ABCA13: variants seen among roughly 807,000 people sequenced by gnomAD.
The protein encoded by ABCA13 is ATP binding cassette subfamily A member 13.
A neutral mutation model predicts 478.7 loss-of-function variants in ABCA13; 476 were observed. The ratio of observed to expected loss-of-function variants is 0.99; its 90% confidence interval spans 0.92 to 1.07. The LOEUF (loss-of-function observed/expected upper bound fraction) is 1.07. Among genes scored for constraint, ABCA13 ranks in the 50% least tolerant of loss-of-function variants. ABCA13 has a pLI of 0.00. For synonymous variants in ABCA13, 2,252 were observed against 2,158.9 expected, an observed-to-expected ratio of 1.04 and a Z score of -1.20; for missense variants, 6,060 against 5,910.6, an observed-to-expected ratio of 1.03 and a Z score of -0.83.
At chr7:48,601,829 A>G (rs1218605430) in intron 58 of ABCA13, among the ~76,000 whole-genome samples, 2 of 152,010 alleles carry the variant, frequency 1.3e-5, no homozygotes, top group Non-Finnish European at 2.9e-5. Context: ...ACTAATTTAC[A>G]CTCCCACCCA....
intron 3 of ABCA13, among the ~76,000 whole-genome samples, chr7:48,210,839 A>G (rs750320104): frequency 2.0e-5 from 3 of 152,132 alleles, no homozygotes; most frequent in Non-Finnish European, 1.5e-5. Flanking sequence ...ATGTTCTGTA[A>G]ATGTTTATTA....
chr7:48,317,008 A>G, intron 26 of ABCA13, 149 bp from the exon 27 acceptor site: 1 of 915,300 alleles, frequency 1.1e-6, no homozygotes, highest in East Asian at 2.7e-5. Context: ...AGATATTCAA[A>G]CTATAGCACT....
chr7:48,545,377 AC>A (rs1389113564), intron 55 of ABCA13, among the ~76,000 whole-genome samples: 1 of 151,706 alleles, frequency 6.6e-6, no homozygotes. Flanking sequence ...CTGAGCTTAT[AC>A]CCTAGAACTG....
intron 42 of ABCA13, among the ~76,000 whole-genome samples, chr7:48,437,333 C>T (rs1822984735): frequency 6.6e-6 from 1 of 151,972 alleles, no homozygotes; most frequent in Non-Finnish European, 1.5e-5. Context: ...ATTAGAATAG[C>T]CACCCTTCTG....
At chr7:48,356,036 A>G (rs1293085482) in intron 31 of ABCA13, among the ~76,000 whole-genome samples, 2 of 151,976 alleles carry the variant, frequency 1.3e-5, no homozygotes, top group Non-Finnish European at 1.5e-5. Context: ...GGCCCCTCCC[A>G]TGAAGAGGTA....
chr7:48,376,232 A>C (rs1394951758), intron 34 of ABCA13, among the ~76,000 whole-genome samples: 1 of 152,218 alleles, frequency 6.6e-6, no homozygotes, highest in Non-Finnish European at 1.5e-5. Context: ...AAAGTAGTTA[A>C]CAATCCCCCC....
intron 35 of ABCA13, among the ~76,000 whole-genome samples, chr7:48,384,755 A>G (rs542156699): frequency 1.2e-4 from 19 of 152,330 alleles, no homozygotes; most frequent in African/African-American, 4.3e-4. Flanking sequence ...AACAACAGGA[A>G]TGTGTTGTCT....
chr7:48,319,927 G>A (rs1013339569), intron 27 of ABCA13, among the ~76,000 whole-genome samples: 3 of 152,172 alleles, frequency 2.0e-5, no homozygotes, highest in East Asian at 1.9e-4. Flanking sequence ...AAGGCCTTCC[G>A]CCTCTGGGCT....
In ABCA13 at chr7:48,310,042, G is replaced by A; in HGVS notation, c.9417G>A (p.Trp3139Ter). 1 of 1,613,940 alleles carries A rather than the reference G, an allele frequency of 6.2e-7. No individual in the cohort carries two copies. The highest frequency in any genetic ancestry group is 8.5e-7 in the Non-Finnish European group (1 of 1,179,824). ...LLTFPKGEKS[W>*]IAAEELCSLP... ...CATTTCCCAAAGGGGAAAAATCTTG[G>A]ATCGCAGCGGAGGAACTCTGTAGCC... Residue 3139 changes from tryptophan (W) to a stop codon, truncating the protein, a stop_gained, in exon 24 of 62, where the codon TGG (tryptophan) becomes TGA (stop). Coordinates refer to ENST00000435803, the MANE Select transcript of ABCA13 (RefSeq NM_152701.5). LOFTEE classifies it high-confidence loss of function.
chr7:48,302,880 G>C (rs58714739), intron 23 of ABCA13, among the ~76,000 whole-genome samples: 1 of 152,134 alleles, frequency 6.6e-6, no homozygotes, highest in African/African-American at 2.4e-5. Flanking sequence ...TCAAATGGTA[G>C]TTCTCTTTCT....
At chr7:48,523,954 A>C (rs1488144200) in intron 53 of ABCA13, among the ~76,000 whole-genome samples, 1 of 152,236 alleles carries the variant, frequency 6.6e-6, no homozygotes, top group Non-Finnish European at 1.5e-5. Context: ...AACATTTAGT[A>C]CAATTAATCT....
At chr7:48,319,672 G>A (rs1391688385) in intron 27 of ABCA13, among the ~76,000 whole-genome samples, 1 of 152,208 alleles carries the variant, frequency 6.6e-6, no homozygotes, top group African/African-American at 2.4e-5. Context: ...GGTTTAACTT[G>A]TAATAGCACA....
At chr7:48,319,256 C>G (rs1158651109) in intron 27 of ABCA13, among the ~76,000 whole-genome samples, 1 of 152,114 alleles carries the variant, frequency 6.6e-6, no homozygotes, top group Non-Finnish European at 1.5e-5. Flanking sequence ...TTTGCTTAGC[C>G]CCTTTTTAGA....
chr7:48,559,005 C>T (rs1786164599), intron 55 of ABCA13, among the ~76,000 whole-genome samples: 1 of 152,198 alleles, frequency 6.6e-6, no homozygotes, highest in Admixed American at 6.5e-5. Context: ...TAATGTCTAT[C>T]TAACTACCTA....
intron 23 of ABCA13, among the ~76,000 whole-genome samples, chr7:48,304,108 A>G (rs1465231805): frequency 1.3e-5 from 2 of 152,214 alleles, no homozygotes; most frequent in Non-Finnish European, 2.9e-5. Flanking sequence ...TGGATAATCC[A>G]TGATTAGAAT....
intron 45 of ABCA13, among the ~76,000 whole-genome samples, chr7:48,478,635 A>C (rs1828411009): frequency 6.6e-6 from 1 of 152,276 alleles, no homozygotes; most frequent in Admixed American, 6.5e-5. Flanking sequence ...GGGACAATAA[A>C]AGATTGCAAT....
intron 27 of ABCA13, among the ~76,000 whole-genome samples, chr7:48,324,357 A>G (rs966799248): frequency 2.0e-5 from 3 of 152,166 alleles, no homozygotes; most frequent in Non-Finnish European, 2.9e-5. Flanking sequence ...CAATGACCTC[A>G]TTTTAACTTA....
chr7:48,618,805 T>C lies in ABCA13; in HGVS notation c.14837+3428T>C, dbSNP rs75474375. 8.9e-4 allele frequency among the ~76,000 whole-genome samples: 135 copies of C among 152,232 alleles called. 1 individual carries two copies. Among genetic ancestry groups the C allele is most frequent in the Admixed American group, 2.0e-3 (30 of 15,286 alleles). On this transcript the variant is annotated intron_variant, in intron 59 of 61. Coordinates refer to ENST00000435803, the MANE Select transcript of ABCA13 (RefSeq NM_152701.5). ...GTGAGAGCCCCTTAGAGGAGGTGTTTGAGATGATGTGTGCTCTGGGTCAGC... is the reference window on the plus strand; with the variant it reads ...GTGAGAGCCCCTTAGAGGAGGTGTTCGAGATGATGTGTGCTCTGGGTCAGC...
At chr7:48,536,858 TA>T (rs1833620366) in intron 55 of ABCA13, among the ~76,000 whole-genome samples, 1 of 151,950 alleles carries the variant, frequency 6.6e-6, no homozygotes, top group South Asian at 2.1e-4. Context: ...TTATTATTCA[TA>T]AGAAAAATTA....
Sources: gnomAD v4.1 joint callset for allele counts (sites outside exome capture counted in the v4.1 genomes callset) on GRCh38, gnomAD v4.1.1 for gene constraint, MANE v1.5 for transcripts, NCBI Gene and HGNC (gene_info 2026-07-23, HGNC 2026-07-21) for gene names.